Variants in THSD7B observed in about 807,000 individuals in gnomAD.
The protein encoded by THSD7B is thrombospondin type 1 domain containing 7B.
Under a neutral mutation model 213.6 loss-of-function variants are expected in THSD7B, and 138 were observed. The ratio of observed to expected loss-of-function variants is 0.65; its 90% CI spans 0.56 to 0.74. The LOEUF (loss-of-function observed/expected upper bound fraction) is 0.74. THSD7B is among the 30% of genes least tolerant of loss of function. The pLI is 0.00. For missense variants in THSD7B, 1,931 were observed against 1,991.5 expected (o/e 0.97, Z 0.58); for synonymous variants, 742 against 687.0 (o/e 1.08, Z -1.25).
At chr2:136,969,669 G>A (rs961584213) in intron 2 of THSD7B, among the ~76,000 whole-genome samples, 8 of 152,106 alleles carry the variant, frequency 5.3e-5, no homozygotes, top group Admixed American at 5.2e-4. Flanking sequence ...GCCCTTGTTT[G>A]TTGCCCTGTT....
chr2:137,195,654 A>G (rs141129331), intron 7 of THSD7B, among the ~76,000 whole-genome samples: 3 of 152,308 alleles, frequency 2.0e-5, no homozygotes, highest in South Asian at 2.1e-4. Flanking sequence ...TAATAAATGC[A>G]TGAATAAATA....
At chr2:137,362,601 A>G (rs944484327) in intron 12 of THSD7B, among the ~76,000 whole-genome samples, 1 of 151,390 alleles carries the variant, frequency 6.6e-6, no homozygotes, top group Non-Finnish European at 1.5e-5. Context: ...TCTGACAAAA[A>G]CAGTCTTTAA....
intron 14 of THSD7B, among the ~76,000 whole-genome samples, chr2:137,446,091 A>G (rs946686923): frequency 6.6e-6 from 1 of 151,984 alleles, no homozygotes; most frequent in Non-Finnish European, 1.5e-5. Flanking sequence ...AGTAGATAGA[A>G]CATAAGCTGT....
intron 15 of THSD7B, among the ~76,000 whole-genome samples, chr2:137,470,775 C>G (rs1396967647): frequency 6.6e-6 from 1 of 152,086 alleles, no homozygotes; most frequent in African/African-American, 2.4e-5. Context: ...CCCAATATTC[C>G]TTTAAAAATC....
intron 14 of THSD7B, among the ~76,000 whole-genome samples, chr2:137,423,555 C>T (rs537372883): frequency 6.6e-6 from 1 of 152,018 alleles, no homozygotes; most frequent in South Asian, 2.1e-4. Flanking sequence ...ATCAAAAAGA[C>T]TGAAAGACTT....
chr2:136,870,064 T>TC (rs1261724222), intron 1 of THSD7B, among the ~76,000 whole-genome samples: 2 of 87,436 alleles, frequency 2.3e-5, no homozygotes, highest in African/African-American at 9.7e-5. Flanking sequence ...AGAGCGAGAC[T>TC]CCGTCTCAAA....
intron 3 of THSD7B, among the ~76,000 whole-genome samples, chr2:137,094,267 A>G (rs1345548253): frequency 6.6e-6 from 1 of 152,172 alleles, no homozygotes; most frequent in Non-Finnish European, 1.5e-5. Context: ...GGCTAACACC[A>G]TGGGTGAAAG....
At chr2:137,472,856 G>A (rs920780302) in intron 15 of THSD7B, among the ~76,000 whole-genome samples, 13 of 151,992 alleles carry the variant, frequency 8.6e-5, no homozygotes, top group African/African-American at 2.9e-4. Flanking sequence ...TTTAATCTAT[G>A]CATTATTTTC....
chr2:136,901,293 C>A (rs186346819), intron 2 of THSD7B, among the ~76,000 whole-genome samples: 2 of 152,134 alleles, frequency 1.3e-5, no homozygotes, highest in African/African-American at 2.4e-5. Flanking sequence ...TTTAATGATC[C>A]GAATATGGAA....
At chr2:137,610,376 G>T (rs1369932117) in intron 17 of THSD7B, among the ~76,000 whole-genome samples, 1 of 152,096 alleles carries the variant, frequency 6.6e-6, no homozygotes, top group Non-Finnish European at 1.5e-5. Context: ...GGAAGGCATG[G>T]CTAGGGTAAA....
chr2:137,399,025 G>A (rs1215796609), intron 12 of THSD7B, among the ~76,000 whole-genome samples: 16 of 152,050 alleles, frequency 1.1e-4, no homozygotes, highest in South Asian at 4.2e-4. Context: ...GCTTCGGCTC[G>A]CGCACGGTGC....
intron 15 of THSD7B, among the ~76,000 whole-genome samples, chr2:137,521,039 G>C (rs1255199306): frequency 6.6e-6 from 1 of 152,124 alleles, no homozygotes; most frequent in East Asian, 1.9e-4. Flanking sequence ...GATTGGGTTA[G>C]AGCTGTTTTT....
intron 15 of THSD7B, among the ~76,000 whole-genome samples, chr2:137,546,612 G>A (rs1406724491): frequency 2.2e-5 from 3 of 135,580 alleles, no homozygotes; most frequent in Middle Eastern, 3.8e-3. Context: ...GGTTTTTTTT[G>A]TTTGTTTTTT....
intron 27 of THSD7B, among the ~76,000 whole-genome samples, chr2:137,674,563 A>G (rs994753957): frequency 2.0e-5 from 3 of 152,214 alleles, no homozygotes; most frequent in African/African-American, 7.2e-5. Context: ...TGAGCCCATC[A>G]GTATAATTAG....
chr2:137,673,831 T>G (rs1205127633), intron 27 of THSD7B, among the ~76,000 whole-genome samples: 1 of 152,164 alleles, frequency 6.6e-6, no homozygotes, highest in Non-Finnish European at 1.5e-5. Flanking sequence ...ACTTCTCAGA[T>G]CTCATGTATT....
rs1256360677 is a variant in THSD7B, at chr2:137,658,793, G to A, written c.4376-871G>A. ...AGGGACAATGTAGGTCTGACTGTTC[G>A]CTACTCTGCCTTAGGCCCAGAGCTT... On this transcript the variant is annotated intron_variant, in intron 24 of 27. Transcript: ENST00000409968. Among the ~76,000 whole-genome samples the A allele has an allele frequency of 4.6e-5, 7 of 152,248 alleles. No homozygotes were observed. In the East Asian group the frequency reaches 5.8e-4, roughly 13 times the overall value.
intron 4 of THSD7B, among the ~76,000 whole-genome samples, chr2:137,102,892 A>G (rs1482741141): frequency 6.6e-6 from 1 of 152,230 alleles, no homozygotes; most frequent in Non-Finnish European, 1.5e-5. Context: ...CTATGTGGAA[A>G]GACCAAACCT....
At chr2:136,778,878 C>T (rs1252018343) in intron 1 of THSD7B, among the ~76,000 whole-genome samples, 1 of 152,060 alleles carries the variant, frequency 6.6e-6, no homozygotes, top group Non-Finnish European at 1.5e-5. Context: ...TAAGTCAGCT[C>T]TAAGGTAAGG....
At chr2:137,547,992 G>C (rs1680774569) in intron 15 of THSD7B, among the ~76,000 whole-genome samples, 1 of 151,960 alleles carries the variant, frequency 6.6e-6, no homozygotes, top group African/African-American at 2.4e-5. Flanking sequence ...GTGAACACTG[G>C]TAAGTTCTGA....
Sources: gnomAD v4.1 joint callset for allele counts (sites outside exome capture counted in the v4.1 genomes callset) on GRCh38, gnomAD v4.1.1 for gene constraint, MANE v1.5 for transcripts, NCBI Gene and HGNC (gene_info 2026-07-23, HGNC 2026-07-21) for gene names.